The following SH3KBP1 variants were observed in gnomAD, a reference collection of about 807,000 sequenced individuals.
The protein encoded by SH3KBP1 is SH3 domain-containing kinase-binding protein 1.
A neutral mutation model predicts 50.1 loss-of-function variants in SH3KBP1; 8 were observed. That is an observed-to-expected ratio of 0.16 (90% CI 0.09 to 0.29). The LOEUF (loss-of-function observed/expected upper bound fraction) is 0.29. Among genes scored for constraint, SH3KBP1 ranks in the 10% least tolerant of loss-of-function variants. The probability of loss-of-function intolerance (pLI) is 1.00; values close to 1 mark genes in which losing one functional copy is unlikely to be tolerated. For synonymous variants in SH3KBP1, 227 were observed against 218.6 expected, an observed-to-expected ratio of 1.04 and a Z score of -0.34; for missense variants, 377 against 535.2, an observed-to-expected ratio of 0.70 and a Z score of 2.92.
chrX:19,765,998 C>T (rs1402885023), intron 2 of SH3KBP1, among the ~76,000 whole-genome samples: 1 of 111,656 alleles, frequency 9.0e-6, no homozygotes, highest in Non-Finnish European at 1.9e-5. Context: ...ATCTCTGAGA[C>T]CCTGCTTTCA....
intron 1 of SH3KBP1, among the ~76,000 whole-genome samples, chrX:19,859,792 G>T (rs2068738194): frequency 9.0e-6 from 1 of 110,514 alleles, no homozygotes; most frequent in Non-Finnish European, 1.9e-5. Flanking sequence ...TCCCCTCCTG[G>T]CCTCTCAACC....
intron 7 of SH3KBP1, among the ~76,000 whole-genome samples, chrX:19,637,694 T>C (rs2061740215): frequency 9.0e-6 from 1 of 111,479 alleles, no homozygotes; most frequent in Admixed American, 9.5e-5. Context: ...ACCTCTTCCC[T>C]GCAGATGTGA....
At chrX:19,883,315 T>A (rs1430153402) in intron 1 of SH3KBP1, among the ~76,000 whole-genome samples, 1 of 112,458 alleles carries the variant, frequency 8.9e-6, no homozygotes, top group East Asian at 2.8e-4. Context: ...ACACTAAGTA[T>A]TTGGGCTATT....
intron 6 of SH3KBP1, among the ~76,000 whole-genome samples, chrX:19,668,991 G>A (rs1448190458): frequency 1.3e-5 from 1 of 77,204 alleles, no homozygotes; most frequent in Non-Finnish European, 2.5e-5. Flanking sequence ...GAGACAGGCT[G>A]TCACTCTGTC....
chrX:19,572,807 G>C (rs1052193244), intron 12 of SH3KBP1, among the ~76,000 whole-genome samples: 3 of 112,019 alleles, frequency 2.7e-5, no homozygotes, highest in African/African-American at 9.7e-5. Flanking sequence ...GTTTATAAAT[G>C]GCTTATACTA....
intron 2 of SH3KBP1, among the ~76,000 whole-genome samples, chrX:19,755,462 G>T (rs1313981140): frequency 3.6e-5 from 4 of 111,469 alleles, no homozygotes; most frequent in Non-Finnish European, 7.5e-5. Flanking sequence ...GAAGACAAAA[G>T]ACAAACTGGG....
intron 6 of SH3KBP1, among the ~76,000 whole-genome samples, chrX:19,657,405 G>A (rs1331750208): frequency 9.6e-6 from 1 of 104,697 alleles, no homozygotes; most frequent in Non-Finnish European, 2.0e-5. Flanking sequence ...AAGACTTAGG[G>A]CATACAATCG....
rs1433351444 is a variant in SH3KBP1, at chrX:19,760,023, CCTCTCTCTCTCTCTCTCCCTCTCT to C, written c.163-13606_163-13583del. ...AATCAGTCTCGGTCTCTCTCTCTCT[CCTCTCTCTCTCTCTCTCCCTCTCT>C]CTCTCTCTCTCTCTCTCTCTCTCTC... On this transcript the variant is annotated intron_variant, in intron 2 of 17. Coordinates refer to ENST00000397821, the MANE Select transcript of SH3KBP1 (RefSeq NM_031892.3). Among the ~76,000 whole-genome samples the C allele has an allele frequency of 7.2e-3, 601 of 83,560 alleles. 4 individuals are homozygous for C. The highest frequency in any genetic ancestry group is 0.018 in the Admixed American group (148 of 8,219). 72.6% of individuals were successfully genotyped at this position (83,560 alleles called of 115,157 possible).
At chrX:19,683,377 T>TA (rs2063101226) in intron 6 of SH3KBP1, 1 of 365,720 alleles carries the variant, frequency 2.7e-6, no homozygotes, top group Admixed American at 2.6e-5. Context: ...AACTAACTCT[T>TA]AGAGAAAAGG....
chrX:19,629,022 G>A (rs182361794), intron 8 of SH3KBP1, among the ~76,000 whole-genome samples: 19 of 111,833 alleles, frequency 1.7e-4, no homozygotes, highest in East Asian at 8.4e-4. Flanking sequence ...TGGGAGAATC[G>A]CACGAACCTG....
intron 2 of SH3KBP1, among the ~76,000 whole-genome samples, chrX:19,770,583 G>A (rs2065761348): frequency 9.0e-6 from 1 of 111,682 alleles, no homozygotes; most frequent in Non-Finnish European, 1.9e-5. Flanking sequence ...GGGTCGAATG[G>A]TAGTTCTGTT....
chrX:19,874,601 G>A (rs1482901535), intron 1 of SH3KBP1, among the ~76,000 whole-genome samples: 1 of 103,951 alleles, frequency 9.6e-6, no homozygotes, highest in African/African-American at 3.5e-5. Context: ...ACAGGGGCCA[G>A]GAGAGGAGGG....
intron 1 of SH3KBP1, among the ~76,000 whole-genome samples, chrX:19,870,018 A>G (rs915536748): frequency 1.8e-5 from 2 of 112,311 alleles, no homozygotes; most frequent in Non-Finnish European, 3.8e-5. Flanking sequence ...ATCGGGGAGA[A>G]AGGGTAAGTA....
chrX:19,572,445 A>G (rs1431759603), intron 12 of SH3KBP1, among the ~76,000 whole-genome samples: 1 of 107,190 alleles, frequency 9.3e-6, no homozygotes, highest in African/African-American at 3.4e-5. Context: ...GTTATATAGT[A>G]CATGTTATAT....
intron 2 of SH3KBP1, among the ~76,000 whole-genome samples, chrX:19,769,086 T>C (rs1177007154): frequency 2.0e-5 from 2 of 98,991 alleles, no homozygotes; most frequent in African/African-American, 7.6e-5. Context: ...TTTTTTTTTT[T>C]TTTTTTTTTT....
intron 7 of SH3KBP1, among the ~76,000 whole-genome samples, chrX:19,634,095 T>TGA (rs1569362778): frequency 1.1e-4 from 6 of 56,087 alleles, no homozygotes; most frequent in African/African-American, 2.0e-4. Context: ...TGTGTGTGTG[T>TGA]GACAGAGGGA....
intron 1 of SH3KBP1, among the ~76,000 whole-genome samples, chrX:19,856,361 A>G (rs1225814308): frequency 8.9e-6 from 1 of 112,089 alleles, no homozygotes; most frequent in Non-Finnish European, 1.9e-5. Flanking sequence ...GCTTTGGAGT[A>G]TCTTAAAGTA....
At chrX:19,879,080 C>CA (rs1279387451) in intron 1 of SH3KBP1, among the ~76,000 whole-genome samples, 42 of 111,254 alleles carry the variant, frequency 3.8e-4, no homozygotes, top group Non-Finnish European at 7.9e-4. Flanking sequence ...CCCATCTCTA[C>CA]AAAAAAATAC....
chrX:19,665,272 T>A (rs933236531), intron 6 of SH3KBP1, among the ~76,000 whole-genome samples: 1 of 112,270 alleles, frequency 8.9e-6, no homozygotes, highest in Non-Finnish European at 1.9e-5. Context: ...CTTCCTCATT[T>A]TAAATGACAA....
Sources: allele counts gnomAD v4.1 joint callset (sites outside exome capture counted in the v4.1 genomes callset), GRCh38; gene constraint gnomAD v4.1.1; transcripts MANE v1.5; gene names NCBI Gene and HGNC (gene_info 2026-07-23, HGNC 2026-07-21).